MMS22L: variants seen among roughly 807,000 people sequenced by gnomAD.
The protein encoded by MMS22L is MMS22 like, DNA repair protein, also known as protein MMS22-like.
Under a neutral mutation model 159.1 loss-of-function variants are expected in MMS22L, and 74 were observed. That is an observed-to-expected ratio of 0.47 (90% confidence interval 0.39 to 0.56). The LOEUF (loss-of-function observed/expected upper bound fraction) is 0.56, where lower values mean the gene tolerates loss of function less well. MMS22L is among the 20% of genes least tolerant of loss of function. The probability of loss-of-function intolerance (pLI) is 0.00; values close to 1 mark genes in which losing one functional copy is unlikely to be tolerated. For synonymous variants in MMS22L, 517 were observed against 506.9 expected, an observed-to-expected ratio of 1.02 and a Z score of -0.27; for missense variants, 1,351 against 1,422.1, an observed-to-expected ratio of 0.95 and a Z score of 0.80.
chr6:97,282,489 T>A lies in MMS22L; in HGVS notation c.-12A>T. ...GAACAGTTCTCCATTGTTTACTTCA[T>A]GTTCTGAAACACTTGGGGTTCGTCG... On this transcript the variant is annotated 5_prime_UTR_variant, in exon 2 of 25. It removes an upstream start codon present in the reference 5' UTR. Coordinates refer to ENST00000683635, the MANE Select transcript of MMS22L (RefSeq NM_001350599.2). 1 of 1,586,230 alleles carries A rather than the reference T, an allele frequency of 6.3e-7. No homozygotes were observed. The highest frequency in any genetic ancestry group is 1.4e-5 in the African/African-American group (1 of 71,758).
intron 14 of MMS22L, among the ~76,000 whole-genome samples, chr6:97,203,108 A>G (rs1807357044): frequency 6.6e-6 from 1 of 152,254 alleles, no homozygotes; most frequent in African/African-American, 2.4e-5. Flanking sequence ...AAGAGACTTA[A>G]GCATTTAACT....
intron 14 of MMS22L, among the ~76,000 whole-genome samples, chr6:97,206,969 T>C (rs1807855719): frequency 6.6e-6 from 1 of 152,130 alleles, no homozygotes; most frequent in African/African-American, 2.4e-5. Context: ...AAATAAAATA[T>C]AACCTAACCC....
At position 97,244,526 on chromosome 6, in the gene MMS22L, A is replaced by C. The variant is rs1812425298; in HGVS notation, c.1182+2102T>G. 2.0e-5 allele frequency among the ~76,000 whole-genome samples: 3 copies of C among 152,200 alleles called. 1 individual carries two copies. In the South Asian group the frequency reaches 6.2e-4, roughly 32 times the overall value. Reference sequence around the variant, plus strand: ...CCCTTAATCTAAGTGGGCACAATCTAATCAGCTGTCAGCTCAGCCAGAATA... The same window carrying C: ...CCCTTAATCTAAGTGGGCACAATCTCATCAGCTGTCAGCTCAGCCAGAATA... On this transcript the variant is annotated intron_variant, in intron 11 of 24. Coordinates refer to ENST00000683635, the MANE Select transcript of MMS22L (RefSeq NM_001350599.2).
chr6:97,274,149 G>A (rs2128095895), intron 4 of MMS22L, among the ~76,000 whole-genome samples: 2 of 151,980 alleles, frequency 1.3e-5, no homozygotes, highest in East Asian at 3.9e-4. Context: ...AGACAATCTA[G>A]TAAACAAAAG....
intron 14 of MMS22L, among the ~76,000 whole-genome samples, chr6:97,204,547 T>C (rs1254719302): frequency 6.6e-6 from 1 of 152,112 alleles, no homozygotes; most frequent in Non-Finnish European, 1.5e-5. Flanking sequence ...ATCCCAACAC[T>C]TTGGGAGGCC....
In MMS22L at chr6:97,143,185, T is replaced by C. The variant is rs1800719211; in HGVS notation, c.*3621A>G. 6.6e-6 allele frequency: 1 copy of C among 152,292 alleles called. No individual in the cohort carries two copies. The highest frequency in any genetic ancestry group is 6.5e-5 in the Admixed American group (1 of 15,282). 9.4% of individuals were successfully genotyped at this position (152,292 alleles called of 1,614,324 possible). A position where few individuals can be genotyped will look rare whatever the true frequency, so the allele number is the denominator to read the frequency against. On this transcript the variant is annotated 3_prime_UTR_variant, in exon 25 of 25. Coordinates refer to ENST00000683635, the MANE Select transcript of MMS22L (RefSeq NM_001350599.2). ...TACTCTATCTGGTATTTTATAGATA[T>C]TATTTGACTGGAATACTCATGTATC...
chr6:97,159,111 G>A (rs1180611160), intron 22 of MMS22L, among the ~76,000 whole-genome samples: 1 of 148,378 alleles, frequency 6.7e-6, no homozygotes, highest in Non-Finnish European at 1.5e-5. Flanking sequence ...TTTTATCAGA[G>A]ACTAGGACTG....
intron 14 of MMS22L, among the ~76,000 whole-genome samples, chr6:97,196,669 T>C (rs1582568197): frequency 6.6e-6 from 1 of 152,256 alleles, no homozygotes; most frequent in East Asian, 1.9e-4. Flanking sequence ...CCAGATAATC[T>C]AATGCTTATT....
At chr6:97,159,125 C>G (rs1443943179) in intron 22 of MMS22L, among the ~76,000 whole-genome samples, 1 of 119,242 alleles carries the variant, frequency 8.4e-6, no homozygotes, top group Admixed American at 8.1e-5. Context: ...AGGACTGCAA[C>G]CCCTGATTTT....
intron 11 of MMS22L, among the ~76,000 whole-genome samples, chr6:97,238,662 C>T (rs1298551451): frequency 6.7e-6 from 1 of 148,966 alleles, no homozygotes; most frequent in Non-Finnish European, 1.5e-5. Context: ...CCAATAAGTC[C>T]GTTAAATGAA....
At chr6:97,192,408 C>T (rs1192127233) in intron 14 of MMS22L, among the ~76,000 whole-genome samples, 2 of 152,140 alleles carry the variant, frequency 1.3e-5, no homozygotes, top group East Asian at 1.9e-4. Flanking sequence ...TGGAAAACTA[C>T]TAAGCCTCAG....
At chr6:97,263,751 C>A (rs1236601053) in intron 8 of MMS22L, 3 of 179,462 alleles carry the variant, frequency 1.7e-5, no homozygotes, top group African/African-American at 4.8e-5. Context: ...CTCTGTCACC[C>A]AGGCTGGAGT....
At chr6:97,189,532 A>T (rs1805628855) in intron 14 of MMS22L, among the ~76,000 whole-genome samples, 1 of 129,756 alleles carries the variant, frequency 7.7e-6, no homozygotes, top group Admixed American at 8.9e-5. Context: ...CAGCCTGGGC[A>T]ACAGCGAGAC....
chr6:97,257,388 T>C (rs1364980413), intron 9 of MMS22L, among the ~76,000 whole-genome samples: 1 of 152,218 alleles, frequency 6.6e-6, no homozygotes, highest in Non-Finnish European at 1.5e-5. Context: ...CCTCAGACTA[T>C]ACCACTCATA....
chr6:97,190,445 G>A (rs1805748938), intron 14 of MMS22L, among the ~76,000 whole-genome samples: 1 of 152,080 alleles, frequency 6.6e-6, no homozygotes, highest in Admixed American at 6.6e-5. Flanking sequence ...GGAAATACAA[G>A]ATCAGATAAG....
chr6:97,233,971 G>C lies in MMS22L; in HGVS notation c.1192C>G (p.Leu398Val), dbSNP rs1013946178. 6.2e-7 allele frequency: 1 copy of C among 1,605,376 alleles called. No individual in the cohort carries two copies. The highest frequency in any genetic ancestry group is 1.1e-5 in the South Asian group (1 of 88,724). Residue 398 changes from leucine to valine, a missense_variant, in exon 12 of 25, where the codon CTA becomes GTA. Coordinates refer to ENST00000683635, the MANE Select transcript of MMS22L (RefSeq NM_001350599.2). ...AGATACATTCGTAATTGTTCTTCTA[G>C]AATGACACCCTAAAAAATAAACTGA... ...KKSISVQGVI[L>V]EEQLRMYLHC...
At chr6:97,276,159 G>T (rs950746531) in intron 4 of MMS22L, among the ~76,000 whole-genome samples, 2 of 152,126 alleles carry the variant, frequency 1.3e-5, no homozygotes, top group African/African-American at 4.8e-5. Context: ...ACTACATAGG[G>T]ACTTCTTGGC....
intron 14 of MMS22L, among the ~76,000 whole-genome samples, chr6:97,192,458 C>T (rs762824606): frequency 3.3e-5 from 5 of 152,154 alleles, no homozygotes; most frequent in Non-Finnish European, 5.9e-5. Flanking sequence ...CTACTGTCCT[C>T]TATGGAGCTG....
chr6:97,199,208 T>A (rs911925663), intron 14 of MMS22L, among the ~76,000 whole-genome samples: 3 of 152,102 alleles, frequency 2.0e-5, no homozygotes, highest in Non-Finnish European at 2.9e-5. Flanking sequence ...TTATTAAAAG[T>A]AAAGAGCCAA....
Sources: allele counts gnomAD v4.1 joint callset (sites outside exome capture counted in the v4.1 genomes callset), GRCh38; gene constraint gnomAD v4.1.1; transcripts MANE v1.5; gene names NCBI Gene and HGNC (gene_info 2026-07-23, HGNC 2026-07-21).